Variants in DNM3 observed in about 807,000 individuals in gnomAD.
DNM3 encodes dynamin-3.
In DNM3, 47 loss-of-function variants were observed where a neutral mutation model predicts 101.6. The observed-to-expected ratio is 0.46, with a 90% confidence interval of 0.37 to 0.59. The LOEUF (loss-of-function observed/expected upper bound fraction) is 0.59, where lower values mean the gene tolerates loss of function less well. Ranked by LOEUF, DNM3 falls within the 20% of genes least tolerant of loss-of-function variation. DNM3 has a pLI of 0.00. For synonymous variants in DNM3, 385 were observed against 387.9 expected (o/e 0.99, Z 0.09); for missense variants, 849 against 1,085.7 (o/e 0.78, Z 3.06).
chr1:171,864,686 T>C (rs2034535450), intron 1 of DNM3: 1 of 152,224 alleles, frequency 6.6e-6, no homozygotes, highest in South Asian at 2.1e-4. Context: ...GCACAACACT[T>C]ATTGTGGGAT....
At chr1:172,130,169 C>T (rs1013424010) in intron 13 of DNM3, among the ~76,000 whole-genome samples, 11 of 152,154 alleles carry the variant, frequency 7.2e-5, no homozygotes, top group Admixed American at 2.0e-4. Context: ...AACTTACATT[C>T]ATTAGTTTTT....
intron 2 of DNM3, among the ~76,000 whole-genome samples, chr1:171,950,659 G>A (rs919130249): frequency 6.6e-6 from 1 of 152,144 alleles, no homozygotes; most frequent in Non-Finnish European, 1.5e-5. Flanking sequence ...CCCATTAGTG[G>A]TTTTTGGTGG....
At chr1:172,401,023 A>G (rs1393800680) in intron 20 of DNM3, among the ~76,000 whole-genome samples, 1 of 152,128 alleles carries the variant, frequency 6.6e-6, no homozygotes, top group African/African-American at 2.4e-5. Flanking sequence ...GTCTCTCTCC[A>G]TCTCAACAAG....
chr1:172,059,043 A>G (rs909488667), intron 10 of DNM3, among the ~76,000 whole-genome samples: 1 of 152,114 alleles, frequency 6.6e-6, no homozygotes, highest in Non-Finnish European at 1.5e-5. Flanking sequence ...AATAAAAACT[A>G]CCATCAGAGA....
Position 172,196,966 on chromosome 1 carries a change from T to C in DNM3, c.1660-56607T>C, listed in dbSNP as rs141516310. Among the ~76,000 whole-genome samples, 327 of 152,156 alleles carry C rather than the reference T, an allele frequency of 2.1e-3. 1 individual carries two copies. In the Middle Eastern group the frequency reaches 0.037, roughly 17 times the overall value. On this transcript the variant is annotated intron_variant, in intron 14 of 20. Transcript: ENST00000627582. ...GATGTGATTGCTTTTGGTGTCTTAG[T>C]TGTAAAATCTTTGCCTTTTCCTATG...
rs193198302 is a variant in DNM3, at chr1:172,311,790, T to C, written c.1881+2951T>C. ...GCAAATCTCACAACACAATCTGTTT[T>C]GATTCTTTTTATATCATTTTTATTT... On this transcript the variant is annotated intron_variant, in intron 16 of 20. Coordinates refer to ENST00000627582, the MANE Select transcript of DNM3 (RefSeq NM_015569.5). Among the ~76,000 whole-genome samples the C allele has an allele frequency of 6.6e-5, 10 of 152,382 alleles. No individual in the cohort carries two copies. In the South Asian group the frequency reaches 1.7e-3, roughly 25 times the overall value.
chr1:172,308,637 G>T, intron 15 of DNM3, 91 bp from the exon 16 acceptor site: 3 of 528,566 alleles, frequency 5.7e-6, no homozygotes, highest in South Asian at 4.9e-5. Context: ...CATTTGGATT[G>T]TCACTTACAT....
intron 10 of DNM3, among the ~76,000 whole-genome samples, chr1:172,051,648 T>C (rs1293941997): frequency 1.3e-5 from 2 of 152,176 alleles, no homozygotes; most frequent in East Asian, 3.8e-4. Flanking sequence ...ATTTTGAAGG[T>C]TTGAAATTTA....
At chr1:172,403,456 G>A (rs1215985347) in intron 20 of DNM3, among the ~76,000 whole-genome samples, 1 of 152,098 alleles carries the variant, frequency 6.6e-6, no homozygotes, top group African/African-American at 2.4e-5. Context: ...ATCCAAAGAA[G>A]AGCAGATGAA....
intron 10 of DNM3, among the ~76,000 whole-genome samples, chr1:172,054,221 A>G (rs2050409185): frequency 1.3e-5 from 2 of 152,222 alleles, no homozygotes; most frequent in African/African-American, 4.8e-5. Flanking sequence ...TGAAAAACAT[A>G]TGTGATTTAT....
chr1:172,262,882 T>G (rs965191979), intron 15 of DNM3, among the ~76,000 whole-genome samples: 3 of 152,166 alleles, frequency 2.0e-5, no homozygotes, highest in Non-Finnish European at 4.4e-5. Context: ...AAGATCTTAT[T>G]ATTATTATAT....
chr1:172,264,490 T>C (rs1437490549), intron 15 of DNM3, among the ~76,000 whole-genome samples: 9 of 152,236 alleles, frequency 5.9e-5, no homozygotes, highest in Non-Finnish European at 8.8e-5. Flanking sequence ...CAAGACCTTA[T>C]AAGAAAATAA....
At chr1:171,947,692 C>T (rs2125440586) in intron 2 of DNM3, among the ~76,000 whole-genome samples, 1 of 152,142 alleles carries the variant, frequency 6.6e-6, no homozygotes, top group South Asian at 2.1e-4. Context: ...CCCCACCCTG[C>T]CATTTCTATA....
chr1:172,365,706 G>A (rs1238662330), intron 17 of DNM3, among the ~76,000 whole-genome samples: 2 of 151,898 alleles, frequency 1.3e-5, no homozygotes, highest in African/African-American at 2.4e-5. Flanking sequence ...ACTTTAGACA[G>A]TTATGTAAAG....
chr1:172,253,945 T>A (rs1178758661), intron 15 of DNM3, among the ~76,000 whole-genome samples: 1 of 151,508 alleles, frequency 6.6e-6, no homozygotes, highest in Non-Finnish European at 1.5e-5. Context: ...CTTCATCCAT[T>A]TTTTTTTTCT....
chr1:172,404,454 C>T (rs2070737229), intron 20 of DNM3, among the ~76,000 whole-genome samples: 3 of 151,596 alleles, frequency 2.0e-5, no homozygotes, highest in African/African-American at 4.8e-5. Context: ...CATATGTTCT[C>T]CTCATCTCCT....
chr1:172,270,259 G>GAAA (rs553666549), intron 15 of DNM3, among the ~76,000 whole-genome samples: 1 of 105,212 alleles, frequency 9.5e-6, no homozygotes, highest in African/African-American at 3.5e-5. Flanking sequence ...TCTTGAATTT[G>GAAA]AAAAAAAAAA....
intron 14 of DNM3, among the ~76,000 whole-genome samples, chr1:172,186,420 C>T (rs995070612): frequency 2.0e-5 from 3 of 151,352 alleles, no homozygotes; most frequent in African/African-American, 4.9e-5. Context: ...AATGCAGTTT[C>T]CATTCTCCTG....
At chr1:172,403,536 A>T (rs2070662387) in intron 20 of DNM3, among the ~76,000 whole-genome samples, 1 of 152,160 alleles carries the variant, frequency 6.6e-6, no homozygotes, top group Non-Finnish European at 1.5e-5. Context: ...CTTCTCTCTT[A>T]TCGGTAAAGC....
Sources: allele counts gnomAD v4.1 joint callset (sites outside exome capture counted in the v4.1 genomes callset), GRCh38; gene constraint gnomAD v4.1.1; transcripts MANE v1.5; gene names NCBI Gene and HGNC (gene_info 2026-07-23, HGNC 2026-07-21).